GABRG3: variants seen among roughly 807,000 people sequenced by gnomAD.
GABRG3 encodes gamma-aminobutyric acid type A receptor subunit gamma3.
A neutral mutation model predicts 48.8 loss-of-function variants in GABRG3; 25 were observed. The observed-to-expected ratio is 0.51, with a 90% CI of 0.37 to 0.72. The LOEUF (loss-of-function observed/expected upper bound fraction) is 0.72, where lower values mean the gene tolerates loss of function less well. Among genes scored for constraint, GABRG3 ranks in the 30% least tolerant of loss-of-function variants. GABRG3 has a pLI of 0.00. For synonymous variants in GABRG3, 227 were observed against 217.6 expected, an observed-to-expected ratio of 1.04 and a Z score of -0.38; for missense variants, 394 against 577.9, an observed-to-expected ratio of 0.68 and a Z score of 3.26.
At chr15:27,435,180 T>G (rs1300579436) in intron 5 of GABRG3, among the ~76,000 whole-genome samples, 5 of 149,692 alleles carry the variant, frequency 3.3e-5, no homozygotes, top group Non-Finnish European at 5.9e-5. Context: ...TTATACTATT[T>G]TATATAGTCT....
chr15:27,197,869 C>T (rs1888546537), intron 3 of GABRG3, among the ~76,000 whole-genome samples: 1 of 152,066 alleles, frequency 6.6e-6, no homozygotes. Flanking sequence ...TTATCCATTT[C>T]TTCTAGATTT....
At position 26,995,844 on chromosome 15, in the gene GABRG3, G is replaced by C. The variant is rs146378591; in HGVS notation, c.202+18694G>C. On this transcript the variant is annotated intron_variant, in intron 2 of 9. Coordinates refer to ENST00000615808, the MANE Select transcript of GABRG3 (RefSeq NM_033223.5). ...CTAAAAATTTATTTTCACATTAGTT[G>C]TACAACCTTATGTCTTTTTTATATG... Among the ~76,000 whole-genome samples the C allele has an allele frequency of 9.2e-5, 14 of 151,896 alleles. No homozygotes were observed. The East Asian group carries it at 2.7e-3, about 29-fold the overall frequency.
chr15:27,444,762 T>C (rs1888892543), intron 5 of GABRG3, among the ~76,000 whole-genome samples: 1 of 152,232 alleles, frequency 6.6e-6, no homozygotes, highest in African/African-American at 2.4e-5. Flanking sequence ...TTACTTTCAC[T>C]CTCTATTGGG....
intron 5 of GABRG3, among the ~76,000 whole-genome samples, chr15:27,366,606 C>G (rs1422111340): frequency 1.3e-5 from 2 of 152,098 alleles, no homozygotes; most frequent in East Asian, 1.9e-4. Context: ...CTGTGAACAT[C>G]CTGGGTTAAG....
chr15:27,013,486 C>T (rs138730349), intron 2 of GABRG3, among the ~76,000 whole-genome samples: 2 of 152,104 alleles, frequency 1.3e-5, no homozygotes, highest in Admixed American at 6.5e-5. Context: ...TTCTCATAGA[C>T]ATTTTATAGT....
At chr15:27,434,032 G>A (rs528386570) in intron 5 of GABRG3, among the ~76,000 whole-genome samples, 40 of 152,270 alleles carry the variant, frequency 2.6e-4, no homozygotes, top group African/African-American at 9.6e-4. Context: ...AGTTATCCAT[G>A]TCAGCGCTGC....
At chr15:26,977,735 T>C (rs553863395) in intron 2 of GABRG3, among the ~76,000 whole-genome samples, 1 of 152,176 alleles carries the variant, frequency 6.6e-6, no homozygotes, top group Non-Finnish European at 1.5e-5. Flanking sequence ...TTGGGGAACA[T>C]TTTGATTGTT....
intron 5 of GABRG3, among the ~76,000 whole-genome samples, chr15:27,446,354 T>C (rs1025581779): frequency 3.3e-5 from 5 of 152,224 alleles, no homozygotes; most frequent in African/African-American, 1.2e-4. Context: ...TCTGATTTGA[T>C]TGAAGATTGA....
At chr15:27,480,373 A>G (rs547758913) in intron 5 of GABRG3, among the ~76,000 whole-genome samples, 2 of 152,276 alleles carry the variant, frequency 1.3e-5, no homozygotes, top group East Asian at 3.9e-4. Flanking sequence ...TGGCTCTCCA[A>G]GGTTGAAGAA....
At chr15:27,449,895 C>G (rs999484434) in intron 5 of GABRG3, among the ~76,000 whole-genome samples, 2 of 152,200 alleles carry the variant, frequency 1.3e-5, no homozygotes, top group Non-Finnish European at 2.9e-5. Flanking sequence ...AAATGAAATG[C>G]ACTTCTTAAG....
chr15:27,131,109 G>C (rs867239267), intron 3 of GABRG3, among the ~76,000 whole-genome samples: 1 of 151,964 alleles, frequency 6.6e-6, no homozygotes. Context: ...TTCTTGTCCT[G>C]TCCGTGATTT....
intron 3 of GABRG3, among the ~76,000 whole-genome samples, chr15:27,087,953 GTGTGC>G (rs1263880204): frequency 6.7e-6 from 1 of 150,278 alleles, no homozygotes; most frequent in African/African-American, 2.4e-5. Context: ...GGTGTGTGGT[GTGTGC>G]TGTGGAGTGT....
At chr15:27,397,797 GA>G (rs527786898) in intron 5 of GABRG3, among the ~76,000 whole-genome samples, 6,426 of 137,186 alleles carry the variant, frequency 0.047, 274 homozygotes, top group East Asian at 0.2. Context: ...TTTCTTCTCT[GA>G]AAAATTTTTT....
At chr15:27,127,032 T>G (rs1743804915) in intron 3 of GABRG3, among the ~76,000 whole-genome samples, 1 of 152,098 alleles carries the variant, frequency 6.6e-6, no homozygotes, top group African/African-American at 2.4e-5. Context: ...TGGGTATTGA[T>G]TGCATTTGGC....
At chr15:27,124,532 G>A (rs1015455438) in intron 3 of GABRG3, among the ~76,000 whole-genome samples, 2 of 152,242 alleles carry the variant, frequency 1.3e-5, no homozygotes, top group Admixed American at 1.3e-4. Flanking sequence ...AGGGAGAGAC[G>A]ATGATGCCCA....
Position 27,538,992 on chromosome 15 carries a change from A to ACCACTTTTTAAAAAAGAACTGAAATTC in GABRG3, c.*6115_*6141dup, listed in dbSNP as rs1173244003. On this transcript the variant is annotated 3_prime_UTR_variant, in exon 10 of 10. Transcript: ENST00000615808. ...TCTCAAAATGACAACATTGTCACTAACCACTTTTTAAAAAAGAACTGAAAT... is the reference window on the plus strand; with the variant it reads ...TCTCAAAATGACAACATTGTCACTAACCACTTTTTAAAAAAGAACTGAAATTCCCACTTTTTAAAAAAGAACTGAAAT... 1.4e-4 allele frequency: 22 copies of ACCACTTTTTAAAAAAGAACTGAAATTC among 152,202 alleles called. No individual in the cohort carries two copies. The highest frequency in any genetic ancestry group is 9.2e-4 in the Admixed American group (14 of 15,280). The allele number at this position is 152,202 out of a possible 1,614,324, so 9.4% of individuals were successfully genotyped here. A position where few individuals can be genotyped will look rare whatever the true frequency, so the allele number is the denominator to read the frequency against.
intron 3 of GABRG3, among the ~76,000 whole-genome samples, chr15:27,265,812 A>G (rs1339444369): frequency 6.6e-6 from 1 of 151,130 alleles, no homozygotes; most frequent in South Asian, 2.1e-4. Flanking sequence ...TTTTCTTTTC[A>G]TGGATCATGC....
chr15:27,186,590 C>CT (rs1261292346), intron 3 of GABRG3, among the ~76,000 whole-genome samples: 2 of 152,134 alleles, frequency 1.3e-5, no homozygotes, highest in Non-Finnish European at 2.9e-5. Context: ...TGAGAAATCT[C>CT]TAAACTGCCC....
chr15:27,082,519 G>T (rs138005085), intron 3 of GABRG3, among the ~76,000 whole-genome samples: 107 of 152,218 alleles, frequency 7.0e-4, no homozygotes, highest in Non-Finnish European at 1.1e-3. Flanking sequence ...CATGACAAGG[G>T]GTGCCCTGCA....
Sources: allele counts gnomAD v4.1 joint callset (sites outside exome capture counted in the v4.1 genomes callset), GRCh38; gene constraint gnomAD v4.1.1; transcripts MANE v1.5; gene names NCBI Gene and HGNC (gene_info 2026-07-23, HGNC 2026-07-21).